ZNF479: variants seen among roughly 807,000 people sequenced by gnomAD.
ZNF479 encodes the protein zinc finger protein 479.
Under a neutral mutation model 14.7 loss-of-function variants are expected in ZNF479, and 15 were observed. The ratio of observed to expected loss-of-function variants is 1.02; its 90% CI spans 0.68 to 1.57. The LOEUF is 1.57. Among genes scored for constraint, ZNF479 ranks in the 40% most tolerant of loss-of-function variants. ZNF479 has a pLI of 0.00. For missense variants in ZNF479, 506 were observed against 615.1 expected, an observed-to-expected ratio of 0.82 and a Z score of 1.88; for synonymous variants, 145 against 211.5, an observed-to-expected ratio of 0.69 and a Z score of 2.73.
chr7:57,132,151 G>T, intron 1 of ZNF479, 135 bp downstream of exon 1: 1 of 1,521,386 alleles, frequency 6.6e-7, no homozygotes, highest in Non-Finnish European at 9.1e-7. Context: ...GACGAGAGCC[G>T]AGCTGGGCCA....
Position 57,126,084 on chromosome 7 carries a change from T to A in ZNF479, c.196A>T (p.Thr66Ser). The A allele has an allele frequency of 6.2e-7, 1 of 1,603,194 alleles. No homozygotes were observed. Among genetic ancestry groups the A allele is most frequent in the Non-Finnish European group, 8.5e-7 (1 of 1,179,772 alleles). Residue 66 changes from threonine (T) to serine (S), a missense_variant, in exon 3 of 4, where the codon ACC (threonine) becomes TCC (serine). Thr to Ser is a moderately conservative substitution (Grantham distance 58). Transcript: ENST00000319636. ...GIAVSKPDLI[T>S]CLEQNKESQN... ...GACTCTTTATTTTGCTCCAGACAGG[T>A]GATCAAGTCTGGCTTAGAGACAGCA...
upstream of ZNF479, among the ~76,000 whole-genome samples, chr7:57,135,449 G>A (rs1786602669): frequency 6.6e-6 from 1 of 152,052 alleles, no homozygotes; most frequent in African/African-American, 2.4e-5. Flanking sequence ...TCTCACTCTT[G>A]TCGCTCAGGC....
At chr7:57,122,212 G>A (rs1342821079) in intron 3 of ZNF479, among the ~76,000 whole-genome samples, 2 of 151,994 alleles carry the variant, frequency 1.3e-5, no homozygotes, top group Non-Finnish European at 2.9e-5. Context: ...TTTGTAAACA[G>A]AAACCTTGCA....
upstream of ZNF479, among the ~76,000 whole-genome samples, chr7:57,132,891 A>C (rs112099828): frequency 5.9e-3 from 894 of 152,256 alleles, 10 homozygotes; most frequent in African/African-American, 0.02. Flanking sequence ...TAATCCCAGC[A>C]CTTTGGGAGG....
At chr7:57,123,249 A>G (rs1316553570) in intron 3 of ZNF479, among the ~76,000 whole-genome samples, 3 of 152,192 alleles carry the variant, frequency 2.0e-5, no homozygotes, top group Non-Finnish European at 4.4e-5. Context: ...TGGAGGAGCC[A>G]GGTTCCTTTA....
At chr7:57,133,302 C>T (rs933992317), upstream of ZNF479, among the ~76,000 whole-genome samples, 2 of 152,142 alleles carry the variant, frequency 1.3e-5, no homozygotes, top group Middle Eastern at 3.4e-3. Flanking sequence ...TTCTCTTTTT[C>T]CACCATGTAA....
Position 57,120,664 on chromosome 7 carries a change from T to A in ZNF479, c.751A>T (p.Ser251Cys). The part of the protein sequence containing the change: ...YRCEECGKAF[S>C]WSANLTRHKR... Reference sequence around the variant, plus strand: ...TGTCTAGTAAGGTTTGCAGACCAGCTAAAGGCTTTGCCACATTCCTCACAT... The same window carrying A: ...TGTCTAGTAAGGTTTGCAGACCAGCAAAAGGCTTTGCCACATTCCTCACAT... Residue 251 changes from serine to cysteine, a missense_variant, in exon 4 of 4, where the codon AGC (serine) becomes TGC (cysteine). By Grantham distance (112) the Ser-to-Cys change is moderately radical (BLOSUM62 -1). This residue lies in a region of ZNF479 where 420 missense variants were observed against 474.2 expected (regional missense o/e 0.89). Transcript: ENST00000319636. The A allele has an allele frequency of 6.2e-7, 1 of 1,613,866 alleles. No individual in the cohort carries two copies. The highest frequency in any genetic ancestry group is 8.5e-7 in the Non-Finnish European group (1 of 1,179,876).
upstream of ZNF479, among the ~76,000 whole-genome samples, chr7:57,134,377 C>T (rs1180719777): frequency 3.3e-5 from 5 of 152,128 alleles, no homozygotes; most frequent in African/African-American, 4.8e-5. Flanking sequence ...TTCCCACCAG[C>T]GCCATGACAG....
intron 3 of ZNF479, among the ~76,000 whole-genome samples, chr7:57,125,778 C>T (rs1786136168): frequency 1.3e-5 from 2 of 152,130 alleles, no homozygotes; most frequent in South Asian, 4.1e-4. Flanking sequence ...TTAAAGAAAA[C>T]TTTGGCTCAC....
At chr7:57,133,992 A>G (rs1379237608), upstream of ZNF479, among the ~76,000 whole-genome samples, 1 of 152,238 alleles carries the variant, frequency 6.6e-6, no homozygotes. Context: ...AAGCATATAC[A>G]TTTTTGAAGC....
intron 1 of ZNF479, among the ~76,000 whole-genome samples, chr7:57,128,150 G>A (rs1786260903): frequency 6.6e-6 from 1 of 151,858 alleles, no homozygotes; most frequent in Admixed American, 6.6e-5. Context: ...TGTTGGTCAG[G>A]CTGGCCTTGA....
upstream of ZNF479, among the ~76,000 whole-genome samples, chr7:57,133,323 G>A (rs1411902364): frequency 1.3e-5 from 2 of 151,910 alleles, no homozygotes; most frequent in African/African-American, 4.8e-5. Context: ...GATGTGCCTT[G>A]CTTTCCCTTC....
At chr7:57,132,238 T>A (rs1162151140) in intron 1 of ZNF479, 48 bp downstream of exon 1, 1 of 1,613,770 alleles carries the variant, frequency 6.2e-7, no homozygotes, top group Non-Finnish European at 8.5e-7. Flanking sequence ...TTCTGCCGGT[T>A]CCAATCAGCC....
chr7:57,120,072 A>C lies in ZNF479; in HGVS notation c.1343T>G (p.Leu448Ter). Residue 448 changes from leucine (L) to a stop codon, truncating the protein, a stop_gained, in exon 4 of 4, where the codon TTA (leucine) becomes TGA (stop). Coordinates refer to ENST00000319636, the MANE Select transcript of ZNF479 (RefSeq NM_001370129.2). LOFTEE classifies it low-confidence loss of function (END_TRUNC). ...KCEECGKAFS[L>*]SSTLTDHKRI... Reference sequence around the variant, plus strand: ...CTTGTGGTCAGTGAGGGTTGAGGATAAGCTAAAGGCTTTGCCACATTCTTC... The same window carrying C: ...CTTGTGGTCAGTGAGGGTTGAGGATCAGCTAAAGGCTTTGCCACATTCTTC... 6.2e-7 allele frequency: 1 copy of C among 1,606,146 alleles called. No individual in the cohort carries two copies. Among genetic ancestry groups the C allele is most frequent in the Non-Finnish European group, 8.5e-7 (1 of 1,177,494 alleles).
chr7:57,129,572 T>C (rs1290828572), intron 1 of ZNF479, among the ~76,000 whole-genome samples: 1 of 152,148 alleles, frequency 6.6e-6, no homozygotes, highest in African/African-American at 2.4e-5. Flanking sequence ...GACAGTAATG[T>C]CTGAGTGAAT....
chr7:57,135,961 ATCTCTCTCTCAATCTCTCTCTCTCTCTC>A (rs1786629087), upstream of ZNF479, among the ~76,000 whole-genome samples: 1 of 108,824 alleles, frequency 9.2e-6, no homozygotes, highest in African/African-American at 4.2e-5. Flanking sequence ...GCCATAGGCA[ATCTCTCTCTCAATCTCTCTCTCTCTCTC>A]TCTCTCTCTC....
intron 3 of ZNF479, among the ~76,000 whole-genome samples, chr7:57,124,318 G>C (rs1786068105): frequency 6.6e-6 from 1 of 152,174 alleles, no homozygotes. Flanking sequence ...GAACTCTTCT[G>C]TGTATGACCA....
At position 57,129,044 on chromosome 7, in the gene ZNF479, T is replaced by A. The variant is rs1299065803; in HGVS notation, c.40-2326A>T. On this transcript the variant is annotated intron_variant, in intron 1 of 3. Transcript: ENST00000319636. ...AAAACATTCACCCATTTTTGTTGTT[T>A]ATAACTGAAAAGATTTAAGAGCAAT... Among the ~76,000 whole-genome samples, 10 of 152,284 alleles carry A rather than the reference T, an allele frequency of 6.6e-5. No homozygotes were observed. In the East Asian group the frequency reaches 1.9e-3, roughly 29 times the overall value.
At chr7:57,133,927 C>G (rs2115901826), upstream of ZNF479, among the ~76,000 whole-genome samples, 1 of 152,202 alleles carries the variant, frequency 6.6e-6, no homozygotes. Context: ...TTAATCAGCC[C>G]AATATATCCA....
Sources: allele counts gnomAD v4.1 joint callset (sites outside exome capture counted in the v4.1 genomes callset), GRCh38; gene constraint gnomAD v4.1.1; regional missense constraint gnomAD v4.1.1; transcripts MANE v1.5; gene names NCBI Gene and HGNC (gene_info 2026-07-23, HGNC 2026-07-21).